The following CCDC27 variants were observed in gnomAD, a reference collection of about 807,000 sequenced individuals.
CCDC27 encodes the protein coiled-coil domain containing 27, also known as coiled-coil domain-containing protein 27.
In CCDC27, 80 loss-of-function variants were observed where a neutral mutation model predicts 80.3. That is an observed-to-expected ratio of 1.00 (90% CI 0.83 to 1.20). The LOEUF is 1.20. Ranked by LOEUF, CCDC27 falls within the 50% of genes most tolerant of loss-of-function variation. The pLI is 0.00. For synonymous variants in CCDC27, 342 were observed against 334.3 expected (o/e 1.02, Z -0.25); for missense variants, 815 against 809.4 (o/e 1.01, Z -0.08).
chr1:3,755,408 G>A (rs779953896), intron 2 of CCDC27, 49 bp from the exon 3 acceptor site: 2 of 1,478,316 alleles, frequency 1.4e-6, no homozygotes, highest in Non-Finnish European at 1.9e-6. Context: ...GAGATCTTGG[G>A]GAGACAAGAC....
Position 3,754,068 on chromosome 1 carries a change from C to T in CCDC27, c.319-50C>T, listed in dbSNP as rs117895136. 3.2e-4 allele frequency: 507 copies of T among 1,599,822 alleles called. 3 individuals carry two copies. The East Asian group carries it at 0.01, about 33-fold the overall frequency. On this transcript the variant is annotated intron_variant, in intron 1 of 11. Coordinates refer to ENST00000294600, the MANE Select transcript of CCDC27 (RefSeq NM_152492.3). ...CAGGGTCTGCCCTTGGATGGGCTGG[C>T]CTACAGTCAGGGGCCTTCCTTGTCT...
At position 3,771,642 on chromosome 1, in the gene CCDC27, T is replaced by C. The variant is rs1643367463; in HGVS notation, c.*119T>C. 1 of 1,145,496 alleles carries C rather than the reference T, an allele frequency of 8.7e-7. No homozygotes were observed. Among genetic ancestry groups the C allele is most frequent in the Non-Finnish European group, 1.2e-6 (1 of 812,412 alleles). 71.0% of individuals were successfully genotyped at this position (1,145,496 alleles called of 1,614,324 possible). On this transcript the variant is annotated 3_prime_UTR_variant, in exon 12 of 12. Coordinates refer to ENST00000294600, the MANE Select transcript of CCDC27 (RefSeq NM_152492.3). ...CAGAATTAAACCCCGGTGTTGGCAC[T>C]GTCCCACCTTTTTCTTCTCTGGGAT...
At position 3,769,780 on chromosome 1, in the gene CCDC27, C is replaced by T. The variant is rs763572039; in HGVS notation, c.1744-3C>T. The T allele has an allele frequency of 4.9e-5, 79 of 1,612,354 alleles. 1 individual carries two copies. Among genetic ancestry groups the T allele is most frequent in the Non-Finnish European group, 6.6e-5 (78 of 1,178,528 alleles). On this transcript the variant is annotated splice_region_variant and splice_polypyrimidine_tract_variant and intron_variant, in intron 10 of 11. Coordinates refer to ENST00000294600, the MANE Select transcript of CCDC27 (RefSeq NM_152492.3). The surrounding 1 kb of genome is among the most constrained non-coding windows in gnomAD (Gnocchi z 4.6). ...AATGATAGTGTTGTCCCTTTGCTCA[C>T]AGCTCGAGAGGTTAAGGAATAAGAT... is the stretch of plus-strand genomic sequence containing the variant.
chr1:3,757,950 T>G (rs1274572773), intron 4 of CCDC27, among the ~76,000 whole-genome samples: 1 of 151,178 alleles, frequency 6.6e-6, no homozygotes, highest in African/African-American at 2.4e-5. Context: ...AAATGGGGTT[T>G]CCCCATGTTG....
At position 3,763,686 on chromosome 1, in the gene CCDC27, G is replaced by A. The variant is rs1289206878; in HGVS notation, c.1322-20G>A. On this transcript the variant is annotated intron_variant, in intron 7 of 11. Coordinates refer to ENST00000294600, the MANE Select transcript of CCDC27 (RefSeq NM_152492.3). The surrounding 1 kb of genome is among the most constrained non-coding windows in gnomAD (Gnocchi z 7.5). ...CTGCCCCTGCTTGCTCCTGCTCACC[G>A]CCTCTGCCTCTGTGCCCAGGAGTGA... is the stretch of plus-strand genomic sequence containing the variant. 11 of 1,613,782 alleles carry A rather than the reference G, an allele frequency of 6.8e-6. No homozygotes were observed. Among genetic ancestry groups the A allele is most frequent in the East Asian group, 2.2e-5 (1 of 44,882 alleles).
rs113722627 is a variant in CCDC27 at position 3,754,107 on chromosome 1, C to T, written c.319-11C>T. 230 of 1,612,212 alleles carry T rather than the reference C, an allele frequency of 1.4e-4. No homozygotes were observed. The African/African-American group carries it at 2.6e-3, about 18-fold the overall frequency. ...CCTTCCTTGTCTGTCTTACTTTCCC[C>T]GCTCTGCCAGAGTGAACCCAAGGAT... On this transcript the variant is annotated splice_polypyrimidine_tract_variant and intron_variant, in intron 1 of 11. Transcript: ENST00000294600.
At position 3,755,802 on chromosome 1, in the gene CCDC27, G is replaced by A. The variant is rs181095731; in HGVS notation, c.553+235G>A. On this transcript the variant is annotated intron_variant, in intron 3 of 11. Coordinates refer to ENST00000294600, the MANE Select transcript of CCDC27 (RefSeq NM_152492.3). ...TGGCCCCTTGTCTTTAGTAAAAATCGTAGTTGAAAGTTTTGTCCCCTTGGC... is the reference window on the plus strand; with the variant it reads ...TGGCCCCTTGTCTTTAGTAAAAATCATAGTTGAAAGTTTTGTCCCCTTGGC... 193 of 513,852 alleles carry A rather than the reference G, an allele frequency of 3.8e-4. 2 individuals are homozygous for A. In the Middle Eastern group the frequency reaches 4.3e-3, roughly 11 times the overall value. The allele number at this position is 513,852 out of a possible 1,614,324, so 31.8% of individuals were successfully genotyped here.
At chr1:3,756,605 G>T in intron 3 of CCDC27, 128 bp from the exon 4 acceptor site, 1 of 931,746 alleles carries the variant, frequency 1.1e-6, no homozygotes. Context: ...GAGACAGATT[G>T]GAGTCTGTCT....
At chr1:3,757,019 G>A in intron 4 of CCDC27, 129 bp downstream of exon 4, 1 of 1,122,986 alleles carries the variant, frequency 8.9e-7, no homozygotes, top group Non-Finnish European at 1.2e-6. Context: ...GGTCCCCATG[G>A]CCTAAAATGA....
Position 3,763,605 on chromosome 1 carries a change from G to A in CCDC27, c.1322-101G>A. ...GGCAGGTGTCGGCAGCCTCACCCAG[G>A]CTGGCAGAGCCCTCCCAGCTGCCGC... On this transcript the variant is annotated intron_variant, in intron 7 of 11. Transcript: ENST00000294600. The surrounding 1 kb of genome is among the most constrained non-coding windows in gnomAD (Gnocchi z 7.5). The A allele has an allele frequency of 1.3e-6, 2 of 1,571,438 alleles. No individual in the cohort carries two copies. Among genetic ancestry groups the A allele is most frequent in the Non-Finnish European group, 8.7e-7 (1 of 1,152,374 alleles).
chr1:3,771,259 G>A (rs2124599767), intron 11 of CCDC27, 142 bp from the exon 12 acceptor site: 1 of 990,754 alleles, frequency 1.0e-6, no homozygotes, highest in Non-Finnish European at 1.5e-6. Flanking sequence ...GTATTCACCA[G>A]CACACCCCTG....
At position 3,771,479 on chromosome 1, in the gene CCDC27, G is replaced by C. The variant is rs3855947; in HGVS notation, c.1927G>C (p.Glu643Gln). ...CAAAGTGCCCCCCCTGCAACAGTCA[G>C]AGGCCTTCCTGACCAGCAAATCCAA... Reference protein sequence around the residue: ...GVKVPPLQQSEAFLTSKSKKG... With the variant: ...GVKVPPLQQSQAFLTSKSKKG... The change falls in exon 12 of 12, where the codon GAG becomes CAG. Residue 643 changes from glutamate (E) to glutamine (Q), a missense_variant. By Grantham distance (29) the Glu-to-Gln change is conservative. Coordinates refer to ENST00000294600, the MANE Select transcript of CCDC27 (RefSeq NM_152492.3). The C allele has an allele frequency of 1.1e-5, 18 of 1,613,890 alleles. No homozygotes were observed. In the African/African-American group the frequency reaches 2.3e-4, roughly 20 times the overall value.
At position 3,767,523 on chromosome 1, in the gene CCDC27, C is replaced by T. The variant is rs532207435; in HGVS notation, c.1743+78C>T. Reference sequence around the variant, plus strand: ...ACCCAGGCCTCTGCCCACCGCCCACCGAGGTAGAACCGGGGTCTGTGTACG... The same window carrying T: ...ACCCAGGCCTCTGCCCACCGCCCACTGAGGTAGAACCGGGGTCTGTGTACG... On this transcript the variant is annotated intron_variant, in intron 10 of 11. Coordinates refer to ENST00000294600, the MANE Select transcript of CCDC27 (RefSeq NM_152492.3). 2.5e-3 allele frequency: 3,247 copies of T among 1,316,726 alleles called. 12 individuals are homozygous for T. The highest frequency in any genetic ancestry group is 4.7e-3 in the East Asian group (188 of 40,258). The allele number at this position is 1,316,726 out of a possible 1,614,324, so 81.6% of individuals were successfully genotyped here.
In CCDC27 at chr1:3,757,607, A is replaced by C. The variant is rs544973495; in HGVS notation, c.711+717A>C. 1.5e-4 allele frequency among the ~76,000 whole-genome samples: 23 copies of C among 152,086 alleles called. No individual in the cohort carries two copies. The South Asian group carries it at 4.8e-3, about 32-fold the overall frequency. On this transcript the variant is annotated intron_variant, in intron 4 of 11. Transcript: ENST00000294600. ...CAGGTGCGTACCACCACACCTGGCT[A>C]CTTTTTGTATTTTTGTAGAAATGGG...
In CCDC27 at chr1:3,756,860, G is replaced by A. The variant is rs781717631; in HGVS notation, c.681G>A (p.Met227Ile). Reference sequence around the variant, plus strand: ...CTCAGAGCTGCCTGAGAAAGAGGATGCCCTGGTACCTCTCAGTCATCCACG... The same window carrying A: ...CTCAGAGCTGCCTGAGAAAGAGGATACCCTGGTACCTCTCAGTCATCCACG... ...VASQSCLRKR[M>I]PWYLSVIHEK... The change falls in exon 4 of 12, where the codon ATG (methionine) becomes ATA (isoleucine). Residue 227 changes from methionine (M) to isoleucine (I), a missense_variant. Coordinates refer to ENST00000294600, the MANE Select transcript of CCDC27 (RefSeq NM_152492.3). The A allele has an allele frequency of 9.9e-6, 16 of 1,613,620 alleles. No individual in the cohort carries two copies. The highest frequency in any genetic ancestry group is 8.8e-5 in the South Asian group (8 of 91,050).
At chr1:3,756,673 G>A (rs1015647087) in intron 3 of CCDC27, 60 bp from the exon 4 acceptor site, 7 of 1,591,726 alleles carry the variant, frequency 4.4e-6, no homozygotes, top group African/African-American at 2.7e-5. Flanking sequence ...CATCGAAGAC[G>A]CCAGAGGAGC....
intron 10 of CCDC27, 123 bp downstream of exon 10, chr1:3,767,568 T>C (rs1643257838): frequency 1.7e-5 from 13 of 758,442 alleles, no homozygotes; most frequent in Non-Finnish European, 2.6e-5. Flanking sequence ...GGGCTGGTTC[T>C]GCCGTGTACA....
intron 3 of CCDC27, 31 bp from the exon 4 acceptor site, chr1:3,756,702 A>T (rs1400755080): frequency 6.2e-7 from 1 of 1,611,496 alleles, no homozygotes; most frequent in Non-Finnish European, 8.5e-7. Flanking sequence ...GAAGGGTCTC[A>T]TTTCTCACTT....
rs1401087357 is a variant in CCDC27, at chr1:3,768,872, G to A, written c.1744-911G>A. Among the ~76,000 whole-genome samples the A allele has an allele frequency of 6.6e-6, 1 of 152,184 alleles. No homozygotes were observed. Among genetic ancestry groups the A allele is most frequent in the Non-Finnish European group, 1.5e-5 (1 of 68,036 alleles). On this transcript the variant is annotated intron_variant, in intron 10 of 11. Coordinates refer to ENST00000294600, the MANE Select transcript of CCDC27 (RefSeq NM_152492.3). This position sits in a 1 kb window ranked among gnomAD's most constrained non-coding sequence, Gnocchi z 5.6. ...CCTCACGACCTCCAGCACCTGGCAC[G>A]GTGTTTGTACAAAGTTGGGCGCTCA...
Sources: allele counts gnomAD v4.1 joint callset (sites outside exome capture counted in the v4.1 genomes callset), GRCh38; gene constraint gnomAD v4.1.1; non-coding constraint Gnocchi (gnomAD v3.1); transcripts MANE v1.5; gene names NCBI Gene and HGNC (gene_info 2026-07-23, HGNC 2026-07-21).